The following SEMA6C variants were observed in gnomAD, a reference collection of about 807,000 sequenced individuals.
SEMA6C encodes the protein semaphorin 6C, also known as semaphorin-6C.
In SEMA6C, 37 loss-of-function variants were observed where a neutral mutation model predicts 72.9. The observed-to-expected ratio is 0.51, with a 90% CI of 0.39 to 0.67. SEMA6C has a LOEUF of 0.67. SEMA6C is among the 30% of genes least tolerant of loss of function. SEMA6C has a pLI of 0.00. For missense variants in SEMA6C, 1,189 were observed against 1,263.6 expected (o/e 0.94, Z 0.89); for synonymous variants, 578 against 554.1 (o/e 1.04, Z -0.61).
rs773340949 is a variant in SEMA6C at position 151,138,063 on chromosome 1, C to T, written c.590G>A (p.Ser197Asn). 6.2e-7 allele frequency: 1 copy of T among 1,614,192 alleles called. No homozygotes were observed. The highest frequency in any genetic ancestry group is 1.7e-5 in the Admixed American group (1 of 60,026). ...YSATAADFQA[S>N]DAVVYRSLGP... Reference sequence around the variant, plus strand: ...AAGGCTTCTGTAAACTACAGCATCACTGGCCTGGAAATCCGCAGCTGTGGC... The same window carrying T: ...AAGGCTTCTGTAAACTACAGCATCATTGGCCTGGAAATCCGCAGCTGTGGC... The change falls in exon 9 of 19, where the codon AGT becomes AAT. Residue 197 changes from serine (S) to asparagine (N), a missense_variant. This residue lies in a region of SEMA6C where 468 missense variants were observed against 577.4 expected (regional missense o/e 0.81). Transcript: ENST00000368914.
At chr1:151,140,747 C>G (rs1682462297) in intron 3 of SEMA6C, among the ~76,000 whole-genome samples, 1 of 152,222 alleles carries the variant, frequency 6.6e-6, no homozygotes, top group Non-Finnish European at 1.5e-5. Flanking sequence ...GTAATCCCAG[C>G]ACTTTGGGAG....
chr1:151,138,610 C>T lies in SEMA6C; in HGVS notation c.456+20G>A, dbSNP rs777649354. 53 of 1,608,680 alleles carry T rather than the reference C, an allele frequency of 3.3e-5. No homozygotes were observed. In the Admixed American group the frequency reaches 8.5e-4, roughly 26 times the overall value. ...GGGTCCCCCCAACTCCCATCCTAAC[C>T]CCCACCCTCTCTTTTGTACCCCATA... On this transcript the variant is annotated intron_variant, in intron 7 of 18. Coordinates refer to ENST00000368914, the MANE Select transcript of SEMA6C (RefSeq NM_030913.6).
chr1:151,138,138 G>A (rs374221914), intron 8 of SEMA6C, 33 bp from the exon 9 acceptor site: 2 of 1,610,660 alleles, frequency 1.2e-6, no homozygotes, highest in East Asian at 2.2e-5. Flanking sequence ...GTCAGGGGAG[G>A]GCTCAGGGAT....
rs962064439 is a variant in SEMA6C at position 151,138,247 on chromosome 1, C to T, written c.547+69G>A. ...CTCAGGGGAATGGGGGAAAGACCCACTGGGAGAGGAGCTAAGGTGGGAGCT... is the reference window on the plus strand; with the variant it reads ...CTCAGGGGAATGGGGGAAAGACCCATTGGGAGAGGAGCTAAGGTGGGAGCT... On this transcript the variant is annotated intron_variant, in intron 8 of 18. Transcript: ENST00000368914. The T allele has an allele frequency of 6.7e-5, 107 of 1,589,412 alleles. 1 individual carries two copies. The South Asian group carries it at 7.6e-4, about 11-fold the overall frequency.
At chr1:151,139,286 C>T (rs1241294336) in intron 6 of SEMA6C, 139 bp downstream of exon 6, 1 of 760,566 alleles carries the variant, frequency 1.3e-6, no homozygotes, top group South Asian at 1.6e-5. Context: ...ATCAGGAATT[C>T]TCTTTCCTTC....
intron 1 of SEMA6C, among the ~76,000 whole-genome samples, chr1:151,144,763 C>T (rs587671852): frequency 6.6e-6 from 1 of 152,156 alleles, no homozygotes; most frequent in Non-Finnish European, 1.5e-5. Context: ...AATCCAACAG[C>T]CTTCTTAGCA....
In SEMA6C at chr1:151,136,468, C is replaced by A. The variant is rs748433022; in HGVS notation, c.1086G>T (p.Glu362Asp). Reference sequence around the variant, plus strand: ...GGTACCTGGGTGAGGGAACTCTGTCCTCAGACACAGGAGTCCAGGCCCCAT... The same window carrying A: ...GGTACCTGGGTGAGGGAACTCTGTCATCAGACACAGGAGTCCAGGCCCCAT... ...SLDGAWTPVS[E>D]DRVPSPRPGS... Residue 362 changes from glutamate to aspartate, a missense_variant, in exon 12 of 19, where the codon GAG (glutamate) becomes GAT (aspartate). Physicochemically the swap from Glu to Asp is conservative, Grantham distance 45 (BLOSUM62 2). Around this residue, in one of 2 missense-constraint regions of SEMA6C, gnomAD observed 468 missense variants for 577.4 expected, o/e 0.81. Coordinates refer to ENST00000368914, the MANE Select transcript of SEMA6C (RefSeq NM_030913.6). 6.2e-7 allele frequency: 1 copy of A among 1,613,964 alleles called. No individual in the cohort carries two copies. Among genetic ancestry groups the A allele is most frequent in the South Asian group, 1.1e-5 (1 of 91,072 alleles).
Position 151,136,073 on chromosome 1 carries a change from G to A in SEMA6C, c.1197C>T (p.His399=), listed in dbSNP as rs1681997267. 6.2e-7 allele frequency: 1 copy of A among 1,614,174 alleles called. No homozygotes were observed. The highest frequency in any genetic ancestry group is 2.2e-5 in the East Asian group (1 of 44,882). ...PDDVLTFIKA[H]PLLDPAVPPV... ...GTGGTACAGCGGGGTCCAGCAGCGG[G>A]TGAGCCTTGATGAAGGTCAGGACAT... Residue 399 remains histidine, a synonymous_variant, in exon 13 of 19, where the codon CAC becomes CAT. Coordinates refer to ENST00000368914, the MANE Select transcript of SEMA6C (RefSeq NM_030913.6).
At chr1:151,142,259 C>T (rs1017749977) in intron 3 of SEMA6C, among the ~76,000 whole-genome samples, 1 of 152,096 alleles carries the variant, frequency 6.6e-6, no homozygotes, top group African/African-American at 2.4e-5. Flanking sequence ...AGGATGGTCT[C>T]AATCTCCTGG....
Position 151,144,365 on chromosome 1 carries a change from AG to A in SEMA6C, c.-55+19del, listed in dbSNP as rs1682788099. 6.5e-6 allele frequency: 1 copy of A among 152,988 alleles called. No individual in the cohort carries two copies. Among genetic ancestry groups the A allele is most frequent in the Non-Finnish European group, 1.5e-5 (1 of 68,386 alleles). 9.5% of individuals were successfully genotyped at this position (152,988 alleles called of 1,614,324 possible). ...CCTGCTTCCACCCCCTGCCCTCAGGAGCTGCTGCCCTTTCCTTACCTGGGTT... is the reference window on the plus strand; with the variant it reads ...CCTGCTTCCACCCCCTGCCCTCAGGACTGCTGCCCTTTCCTTACCTGGGTT... On this transcript the variant is annotated intron_variant, in intron 2 of 18. Coordinates refer to ENST00000368914, the MANE Select transcript of SEMA6C (RefSeq NM_030913.6).
At chr1:151,144,527 T>C (rs1682796935) in intron 1 of SEMA6C, 93 bp from the exon 2 acceptor site, 1 of 152,696 alleles carries the variant, frequency 6.5e-6, no homozygotes, top group Non-Finnish European at 1.5e-5. Context: ...AAGAAAAGTC[T>C]GCTGACGCTT....
intron 18 of SEMA6C, 182 bp downstream of exon 18, chr1:151,134,218 AT>A (rs1681822902): frequency 2.6e-6 from 2 of 757,674 alleles, no homozygotes; most frequent in Non-Finnish European, 4.4e-6. Context: ...ACATTGATTT[AT>A]TTGTTCAAAA....
At chr1:151,144,804 A>G (rs1682811162) in intron 1 of SEMA6C, among the ~76,000 whole-genome samples, 1 of 152,158 alleles carries the variant, frequency 6.6e-6, no homozygotes, top group Non-Finnish European at 1.5e-5. Context: ...AATAGAGGCT[A>G]ATTTGCATCT....
At chr1:151,138,466 C>T in intron 7 of SEMA6C, 60 bp from the exon 8 acceptor site, 2 of 1,523,646 alleles carry the variant, frequency 1.3e-6, no homozygotes, top group Non-Finnish European at 1.8e-6. Flanking sequence ...GGCTCCATAG[C>T]CTATTCCCTC....
chr1:151,137,522 A>G (rs899816214), intron 10 of SEMA6C, among the ~76,000 whole-genome samples, 189 bp downstream of exon 10: 4 of 151,488 alleles, frequency 2.6e-5, no homozygotes, highest in African/African-American at 9.7e-5. Flanking sequence ...TGGTAGGTCA[A>G]CTTGGGTCAA....
At chr1:151,140,746 G>A (rs1391873291) in intron 3 of SEMA6C, among the ~76,000 whole-genome samples, 1 of 152,206 alleles carries the variant, frequency 6.6e-6, no homozygotes, top group Non-Finnish European at 1.5e-5. Flanking sequence ...TGTAATCCCA[G>A]CACTTTGGGA....
At chr1:151,140,788 A>T (rs928103838) in intron 3 of SEMA6C, among the ~76,000 whole-genome samples, 4 of 152,272 alleles carry the variant, frequency 2.6e-5, no homozygotes, top group African/African-American at 9.6e-5. Flanking sequence ...AGGTCAGGAG[A>T]TCGAGACCAT....
intron 4 of SEMA6C, 50 bp downstream of exon 4, chr1:151,139,926 T>C: frequency 6.4e-7 from 1 of 1,559,142 alleles, no homozygotes; most frequent in Non-Finnish European, 8.8e-7. Flanking sequence ...GTCCCAAGTC[T>C]GCCCAGGAGC....
intron 14 of SEMA6C, 46 bp from the exon 15 acceptor site, chr1:151,135,355 C>T: frequency 6.3e-7 from 1 of 1,584,864 alleles, no homozygotes. Flanking sequence ...ATGAGGCTAC[C>T]TTTTCCCTGA....
Sources: gnomAD v4.1 joint callset for allele counts (sites outside exome capture counted in the v4.1 genomes callset) on GRCh38, gnomAD v4.1.1 for gene constraint, gnomAD v4.1.1 regional missense constraint, MANE v1.5 for transcripts, NCBI Gene and HGNC (gene_info 2026-07-23, HGNC 2026-07-21) for gene names.